Variants in ASIC2 observed in about 807,000 individuals in gnomAD.
ASIC2 encodes acid sensing ion channel subunit 2, also known as acid-sensing ion channel 2.
A neutral mutation model predicts 57.3 loss-of-function variants in ASIC2; 25 were observed. That is an observed-to-expected ratio of 0.44 (90% CI 0.32 to 0.61). The LOEUF is 0.61. Ranked by LOEUF, ASIC2 falls within the 20% of genes least tolerant of loss-of-function variation. The pLI is 0.06. For synonymous variants in ASIC2, 319 were observed against 307.5 expected, an observed-to-expected ratio of 1.04 and a Z score of -0.39; for missense variants, 641 against 738.1, an observed-to-expected ratio of 0.87 and a Z score of 1.52.
At position 34,156,404 on chromosome 17, in the gene ASIC2, C is replaced by T; in HGVS notation, c.129G>A (p.Val43=). 6.2e-7 allele frequency: 1 copy of T among 1,614,206 alleles called. No individual in the cohort carries two copies. The highest frequency in any genetic ancestry group is 8.5e-7 in the Non-Finnish European group (1 of 1,180,044). ...AGCCCACGAAGGCCACTGCCCACAG[C>T]ACACGCCGGATGGTCAGCGGCCCAT... The change falls in exon 1 of 10, where the codon GTG becomes GTA. Residue 43 remains valine, a synonymous_variant. Transcript: ENST00000359872. This position sits in a 1 kb window ranked among gnomAD's most constrained non-coding sequence, Gnocchi z 4.4.
At chr17:33,803,593 T>TCC (rs1471519730) in intron 1 of ASIC2, among the ~76,000 whole-genome samples, 12 of 149,978 alleles carry the variant, frequency 8.0e-5, no homozygotes, top group African/African-American at 2.9e-4. Context: ...TTTCTTTTTT[T>TCC]TTTTTTTTTT....
chr17:33,241,218 T>A (rs141464607), intron 1 of ASIC2, among the ~76,000 whole-genome samples: 1,654 of 152,326 alleles, frequency 0.011, 26 homozygotes, highest in Non-Finnish European at 0.013. Flanking sequence ...ATGGGTTAAC[T>A]GAGTATTGGG....
chr17:34,108,552 G>A (rs1269613490), intron 1 of ASIC2, among the ~76,000 whole-genome samples: 2 of 151,928 alleles, frequency 1.3e-5, no homozygotes, highest in Non-Finnish European at 2.9e-5. Flanking sequence ...TGATATTTAC[G>A]TTATATGGTG....
rs142195558 is a variant in ASIC2 at position 34,019,151 on chromosome 17, G to A, written c.555+136827C>T. 5.3e-5 allele frequency among the ~76,000 whole-genome samples: 8 copies of A among 151,938 alleles called. No individual in the cohort carries two copies. The East Asian group carries it at 7.7e-4, about 15-fold the overall frequency. On this transcript the variant is annotated intron_variant, in intron 1 of 9. Coordinates refer to the ASIC2 transcript ENST00000359872. ...TCTTGATCTCCTGACCTCATGATCC[G>A]CCCTCCTTGGCCTCTCAAAGTGCGG...
intron 1 of ASIC2, among the ~76,000 whole-genome samples, chr17:34,141,801 A>C (rs1478611718): frequency 6.6e-6 from 1 of 152,206 alleles, no homozygotes; most frequent in East Asian, 1.9e-4. Context: ...TGCCTGAAAC[A>C]GTGTTCTGCA....
At chr17:33,471,407 T>C (rs1913046851) in intron 1 of ASIC2, among the ~76,000 whole-genome samples, 1 of 152,206 alleles carries the variant, frequency 6.6e-6, no homozygotes, top group Admixed American at 6.5e-5. Context: ...AATTATTTCT[T>C]TTCTTCTTTT....
At chr17:33,235,868 C>T (rs1456829045) in intron 1 of ASIC2, among the ~76,000 whole-genome samples, 1 of 152,100 alleles carries the variant, frequency 6.6e-6, no homozygotes, top group Non-Finnish European at 1.5e-5. Flanking sequence ...CAGAGTTTCA[C>T]TCTTGTTGCC....
At chr17:33,329,291 T>C (rs773932290) in intron 1 of ASIC2, among the ~76,000 whole-genome samples, 2 of 152,200 alleles carry the variant, frequency 1.3e-5, no homozygotes. Context: ...GGGATACATA[T>C]ATGCCTAGGA....
At chr17:33,894,338 C>CGT (rs1195001848) in intron 1 of ASIC2, among the ~76,000 whole-genome samples, 989 of 93,908 alleles carry the variant, frequency 0.011, 9 homozygotes, top group Middle Eastern at 0.055. Context: ...TGCGTGCGTG[C>CGT]GTGCGTGCGT....
chr17:33,614,268 A>G (rs1361031107), intron 1 of ASIC2, among the ~76,000 whole-genome samples: 2 of 152,204 alleles, frequency 1.3e-5, no homozygotes, highest in African/African-American at 4.8e-5. Flanking sequence ...ACAGAAAACA[A>G]TGCAGTGTTC....
intron 1 of ASIC2, among the ~76,000 whole-genome samples, chr17:34,049,997 T>C (rs1309076298): frequency 2.0e-5 from 3 of 152,194 alleles, no homozygotes; most frequent in Non-Finnish European, 4.4e-5. Context: ...GTTTGGCACA[T>C]GGAAAATGTT....
intron 1 of ASIC2, among the ~76,000 whole-genome samples, chr17:34,052,215 A>T (rs936785928): frequency 6.6e-6 from 1 of 152,170 alleles, no homozygotes; most frequent in Non-Finnish European, 1.5e-5. Context: ...CTGACAAACC[A>T]CCACTGATCC....
intron 1 of ASIC2, among the ~76,000 whole-genome samples, chr17:34,042,905 AAAAT>A (rs1241663878): frequency 1.1e-4 from 16 of 152,374 alleles, no homozygotes; most frequent in African/African-American, 2.6e-4. Flanking sequence ...CTTCAACAGT[AAAAT>A]AAATAAATGT....
At chr17:33,919,412 G>A (rs75808164) in intron 1 of ASIC2, among the ~76,000 whole-genome samples, 2,262 of 152,254 alleles carry the variant, frequency 0.015, 46 homozygotes, top group African/African-American at 0.049. Context: ...AAGAAGCAAC[G>A]GGGAAAGGAC....
Position 33,021,203 on chromosome 17 carries a change from A to G in ASIC2, c.1441+16T>C, listed in dbSNP as rs1186492896. The G allele has an allele frequency of 6.3e-7, 1 of 1,580,890 alleles. No homozygotes were observed. Among genetic ancestry groups the G allele is most frequent in the South Asian group, 1.1e-5 (1 of 89,874 alleles). On this transcript the variant is annotated intron_variant, in intron 7 of 9. Transcript: ENST00000225823. The stretch of plus-strand genomic sequence containing the variant: ...TCTATGAGATGTGGAAATTTGTGCA[A>G]TAGACACTGACTTACCAAGTAAGGC...
intron 1 of ASIC2, among the ~76,000 whole-genome samples, chr17:34,131,553 G>T (rs1195056424): frequency 6.6e-6 from 1 of 152,192 alleles, no homozygotes; most frequent in Non-Finnish European, 1.5e-5. Context: ...AGCAAAGCCA[G>T]CCCTGACTTA....
chr17:33,662,291 G>A (rs150945645), intron 1 of ASIC2, among the ~76,000 whole-genome samples: 126 of 152,080 alleles, frequency 8.3e-4, no homozygotes, highest in African/African-American at 3.0e-3. Context: ...TAAATGAAGG[G>A]TGTGTTATGA....
At chr17:33,945,302 G>A (rs1904336913) in intron 1 of ASIC2, among the ~76,000 whole-genome samples, 1 of 148,538 alleles carries the variant, frequency 6.7e-6, no homozygotes, top group Non-Finnish European at 1.5e-5. Context: ...CAGGCATAAG[G>A]GCTTGCCCAT....
intron 1 of ASIC2, chr17:33,792,576 C>T (rs578243577): frequency 2.2e-4 from 33 of 152,082 alleles, no homozygotes; most frequent in African/African-American, 7.5e-4. Context: ...ATTTTGAAGC[C>T]AAAATTTGAA....
Sources: gnomAD v4.1 joint callset for allele counts (sites outside exome capture counted in the v4.1 genomes callset) on GRCh38, gnomAD v4.1.1 for gene constraint, Gnocchi (gnomAD v3.1) non-coding constraint, MANE v1.5 for transcripts, NCBI Gene and HGNC (gene_info 2026-07-23, HGNC 2026-07-21) for gene names.